Variants in FHDC1 observed in about 807,000 individuals in gnomAD.
FHDC1 encodes FH2 domain containing 1, also known as FH2 domain-containing protein 1.
In FHDC1, 25 loss-of-function variants were observed where a neutral mutation model predicts 52.6. That is an observed-to-expected ratio of 0.48 (90% confidence interval 0.35 to 0.66). FHDC1 has a LOEUF of 0.66. FHDC1 is among the 30% of genes least tolerant of loss of function. FHDC1 has a pLI of 0.01. For missense variants in FHDC1, 1,459 were observed against 1,452.8 expected, an observed-to-expected ratio of 1.00 and a Z score of -0.07; for synonymous variants, 616 against 581.5, an observed-to-expected ratio of 1.06 and a Z score of -0.85.
the FHDC1 span, among the ~76,000 whole-genome samples, chr4:152,930,531 A>T: frequency 9.9e-5 from 15 of 152,210 alleles, no homozygotes; most frequent in African/African-American, 3.6e-4. Context: ...CTTCAATTTT[A>T]GCCAGGTCAG....
At chr4:152,961,364 A>G (rs1740276059) in intron 6 of FHDC1, among the ~76,000 whole-genome samples, 1 of 152,100 alleles carries the variant, frequency 6.6e-6, no homozygotes, top group African/African-American at 2.4e-5. Flanking sequence ...CCACTCCTCC[A>G]TACTCCAATT....
chr4:152,939,361 CCTGACCTCGTGAT>C (rs560690049), intron 1 of FHDC1, among the ~76,000 whole-genome samples: 6 of 152,072 alleles, frequency 3.9e-5, no homozygotes, highest in Non-Finnish European at 7.4e-5. Flanking sequence ...GTCTTGATCT[CCTGACCTCGTGAT>C]CTGCCCACCT....
At chr4:152,911,464 G>T in the FHDC1 span, 1 of 152,218 alleles carries the variant, frequency 6.6e-6, no homozygotes, top group Non-Finnish European at 1.5e-5. Flanking sequence ...CGGCACTGTT[G>T]GTTTTGTTTT....
chr4:152,918,144 C>A, the FHDC1 span, among the ~76,000 whole-genome samples: 1 of 152,166 alleles, frequency 6.6e-6, no homozygotes, highest in Admixed American at 6.5e-5. Context: ...CTTTTGGAGT[C>A]ACTATTTATG....
At chr4:152,931,787 G>A (rs1157679072), upstream of FHDC1, among the ~76,000 whole-genome samples, 4 of 151,712 alleles carry the variant, frequency 2.6e-5, no homozygotes, top group Admixed American at 1.3e-4. Context: ...AAATACAAAA[G>A]GTAGCTGGGC....
In FHDC1 at chr4:152,976,151, G is replaced by C. The variant is rs748687461; in HGVS notation, c.2860G>C (p.Glu954Gln). 1.9e-6 allele frequency: 3 copies of C among 1,612,102 alleles called. No individual in the cohort carries two copies. Among genetic ancestry groups the C allele is most frequent in the South Asian group, 1.1e-5 (1 of 90,994 alleles). ...SVRRASTGAE[E>Q]QRLPRGSSGS... ...GCGGAGGGCCTCCACAGGCGCCGAA[G>C]AGCAGAGGCTGCCGCGGGGGAGCAG... Residue 954 changes from glutamate (E) to glutamine (Q), a missense_variant, in exon 12 of 12, where the codon GAG becomes CAG. Glu to Gln is a conservative substitution (Grantham distance 29). Coordinates refer to ENST00000511601, the MANE Select transcript of FHDC1 (RefSeq NM_001371116.1).
At chr4:152,928,519 C>T in the FHDC1 span, among the ~76,000 whole-genome samples, 40 of 152,284 alleles carry the variant, frequency 2.6e-4, no homozygotes, top group African/African-American at 8.9e-4. Flanking sequence ...AGGCACCGGT[C>T]GACTTGCCAA....
intron 3 of FHDC1, 134 bp downstream of exon 3, chr4:152,953,694 G>A (rs774271513): frequency 2.7e-6 from 2 of 740,978 alleles, no homozygotes; most frequent in Non-Finnish European, 4.6e-6. Context: ...TGATGAGCCT[G>A]CAAGTGACTG....
At chr4:152,914,474 G>A in the FHDC1 span, among the ~76,000 whole-genome samples, 2 of 152,192 alleles carry the variant, frequency 1.3e-5, no homozygotes. Flanking sequence ...TCCAGTCTGA[G>A]CACCATAACT....
At chr4:152,920,227 G>A in the FHDC1 span, among the ~76,000 whole-genome samples, 4 of 152,074 alleles carry the variant, frequency 2.6e-5, no homozygotes, top group South Asian at 2.1e-4. Context: ...GATTACATGC[G>A]TGAGCCACTG....
the FHDC1 span, among the ~76,000 whole-genome samples, chr4:152,930,997 A>ACTCT: frequency 7.4e-4 from 84 of 113,250 alleles, no homozygotes; most frequent in African/African-American, 2.6e-3. Flanking sequence ...ACACACACAC[A>ACTCT]CTCTCTCTCT....
intron 4 of FHDC1, among the ~76,000 whole-genome samples, chr4:152,960,310 A>G (rs1740239358): frequency 6.6e-6 from 1 of 152,114 alleles, no homozygotes; most frequent in Non-Finnish European, 1.5e-5. Flanking sequence ...CCAGCTCTCC[A>G]GTTTACACGA....
At chr4:152,955,851 C>T (rs1424347872) in intron 4 of FHDC1, among the ~76,000 whole-genome samples, 1 of 152,214 alleles carries the variant, frequency 6.6e-6, no homozygotes, top group Admixed American at 6.5e-5. Context: ...ACTTCTCCCT[C>T]CCCTTTCCCA....
chr4:152,962,703 T>TTAA (rs1288469903), intron 6 of FHDC1, 111 bp from the exon 7 acceptor site: 1 of 818,814 alleles, frequency 1.2e-6, no homozygotes, highest in East Asian at 2.6e-5. Flanking sequence ...TATATACAGT[T>TTAA]TAAGGTCACA....
chr4:152,975,303 A>T lies in FHDC1; in HGVS notation c.2012A>T (p.Lys671Met), dbSNP rs1486324694. The T allele has an allele frequency of 1.9e-5, 30 of 1,613,660 alleles. No homozygotes were observed. Among genetic ancestry groups the T allele is most frequent in the Non-Finnish European group, 2.5e-5 (30 of 1,180,032 alleles). Reference sequence around the variant, plus strand: ...CTCTCGCCATTGGCTCTGGGAATTAAGGAGCATGAGCTGGTGACAGGGCTG... The same window carrying T: ...CTCTCGCCATTGGCTCTGGGAATTATGGAGCATGAGCTGGTGACAGGGCTG... ...PPLSPLALGI[K>M]EHELVTGLAQ... The change falls in exon 12 of 12, where the codon AAG (lysine) becomes ATG (methionine). Residue 671 changes from lysine (K) to methionine (M), a missense_variant. Lys to Met is a moderately conservative substitution (Grantham distance 95, BLOSUM62 -1). This residue lies in a region of FHDC1 where 939 missense variants were observed against 854.5 expected (regional missense o/e 1.10). Transcript: ENST00000511601.
chr4:152,973,786 T>G (rs980594303), intron 11 of FHDC1, among the ~76,000 whole-genome samples: 1 of 152,262 alleles, frequency 6.6e-6, no homozygotes, highest in Non-Finnish European at 1.5e-5. Flanking sequence ...GGCTGTGAGA[T>G]CCACATATTT....
Position 152,954,078 on chromosome 4 carries a change from C to G in FHDC1, c.561-139C>G, listed in dbSNP as rs1740005813. ...TTTGAGGCAGTGGGGCTGTTATGAG[C>G]ACTCACACAAAACTGCCAGCCAGTC... On this transcript the variant is annotated intron_variant, in intron 3 of 11. Coordinates refer to ENST00000511601, the MANE Select transcript of FHDC1 (RefSeq NM_001371116.1). 4.6e-6 allele frequency: 3 copies of G among 657,042 alleles called. No individual in the cohort carries two copies. In the Admixed American group the frequency reaches 7.7e-5, roughly 17 times the overall value. The allele number at this position is 657,042 out of a possible 1,614,324, so 40.7% of individuals were successfully genotyped here.
upstream of FHDC1, among the ~76,000 whole-genome samples, chr4:152,933,372 T>C (rs188517453): frequency 2.1e-4 from 32 of 152,320 alleles, no homozygotes; most frequent in East Asian, 6.0e-3. Context: ...ATATGAACTC[T>C]ATTGAAGAGT....
chr4:152,943,435 C>G lies in FHDC1; in HGVS notation c.378C>G (p.His126Gln). 1.9e-6 allele frequency: 3 copies of G among 1,614,154 alleles called. No individual in the cohort carries two copies. The highest frequency in any genetic ancestry group is 2.5e-6 in the Non-Finnish European group (3 of 1,180,032). Reference sequence around the variant, plus strand: ...CCTTGGCAGCCAGGCAGGAACATCACTACCAAATTGATACAAAGACCATTG... The same window carrying G: ...CCTTGGCAGCCAGGCAGGAACATCAGTACCAAATTGATACAAAGACCATTG... ...IWTLAARQEH[H>Q]YQIDTKTIEE... Residue 126 changes from histidine to glutamine, a missense_variant, in exon 2 of 12, where the codon CAC (histidine) becomes CAG (glutamine). Transcript: ENST00000511601.
Sources: gnomAD v4.1 joint callset for allele counts (sites outside exome capture counted in the v4.1 genomes callset) on GRCh38, gnomAD v4.1.1 for gene constraint, gnomAD v4.1.1 regional missense constraint, MANE v1.5 for transcripts, NCBI Gene and HGNC (gene_info 2026-07-23, HGNC 2026-07-21) for gene names.